FAM163A: variants seen among roughly 807,000 people sequenced by gnomAD.
FAM163A encodes family with sequence similarity 163 member A.
Under a neutral mutation model 12.0 loss-of-function variants are expected in FAM163A, and 7 were observed. The ratio of observed to expected loss-of-function variants is 0.58; its 90% CI spans 0.33 to 1.10. The LOEUF is 1.10. FAM163A is among the 50% of genes least tolerant of loss of function. The probability of loss-of-function intolerance (pLI) is 0.03; values close to 1 mark genes in which losing one functional copy is unlikely to be tolerated. For synonymous variants in FAM163A, 101 were observed against 91.0 expected (o/e 1.11, Z -0.62); for missense variants, 202 against 218.6 (o/e 0.92, Z 0.48).
chr1:179,757,657 CA>C (rs1686216258), intron 1 of FAM163A, among the ~76,000 whole-genome samples: 1 of 151,974 alleles, frequency 6.6e-6, no homozygotes, highest in African/African-American at 2.4e-5. Context: ...ATTAAAAATA[CA>C]AAAATTAGCC....
At chr1:179,778,454 C>T (rs1689279347) in intron 1 of FAM163A, among the ~76,000 whole-genome samples, 1 of 152,098 alleles carries the variant, frequency 6.6e-6, no homozygotes. Flanking sequence ...CTAGGAATTC[C>T]AGAGGGTGAG....
chr1:179,813,549 C>G (rs10158987), intron 4 of FAM163A, among the ~76,000 whole-genome samples: 4,414 of 152,238 alleles, frequency 0.029, 222 homozygotes, highest in African/African-American at 0.1. Context: ...GTCCCTGCCC[C>G]GCTCAACTAC....
At chr1:179,797,578 T>G (rs1030976342) in intron 1 of FAM163A, among the ~76,000 whole-genome samples, 4 of 152,144 alleles carry the variant, frequency 2.6e-5, no homozygotes, top group Admixed American at 6.6e-5. Flanking sequence ...GAGTACATTT[T>G]AAGTGTTCTT....
At chr1:179,813,401 G>A (rs913110875) in intron 4 of FAM163A, among the ~76,000 whole-genome samples, 18 of 152,194 alleles carry the variant, frequency 1.2e-4, no homozygotes, top group African/African-American at 4.1e-4. Context: ...CACAGAAAGT[G>A]TGCTGGAAAG....
chr1:179,796,231 G>A (rs901477770), intron 1 of FAM163A, among the ~76,000 whole-genome samples: 11 of 151,692 alleles, frequency 7.3e-5, no homozygotes, highest in Non-Finnish European at 1.5e-4. Context: ...CTAAATTGGC[G>A]TATTTCTATC....
chr1:179,774,306 C>T (rs928340288), intron 1 of FAM163A, among the ~76,000 whole-genome samples: 1 of 152,238 alleles, frequency 6.6e-6, no homozygotes, highest in Non-Finnish European at 1.5e-5. Flanking sequence ...CTGCAGGCAG[C>T]CAGGCCTGAT....
intron 1 of FAM163A, among the ~76,000 whole-genome samples, chr1:179,773,883 C>T (rs1054169654): frequency 6.6e-5 from 10 of 152,310 alleles, no homozygotes; most frequent in Non-Finnish European, 1.5e-4. Flanking sequence ...CACCGGTATT[C>T]GCAGGCATGT....
At chr1:179,807,439 G>C (rs954226945) in intron 1 of FAM163A, among the ~76,000 whole-genome samples, 1 of 152,194 alleles carries the variant, frequency 6.6e-6, no homozygotes, top group Non-Finnish European at 1.5e-5. Flanking sequence ...CATCCACTGA[G>C]CACAGATCCA....
At chr1:179,777,492 G>T (rs1210959062) in intron 1 of FAM163A, among the ~76,000 whole-genome samples, 1 of 152,122 alleles carries the variant, frequency 6.6e-6, no homozygotes, top group Non-Finnish European at 1.5e-5. Flanking sequence ...CAGACCCGAA[G>T]AGCCTCTCAG....
the FAM163A span, among the ~76,000 whole-genome samples, chr1:179,737,082 C>T: frequency 9.2e-5 from 14 of 152,240 alleles, no homozygotes; most frequent in African/African-American, 3.4e-4. Flanking sequence ...AGCATTATCA[C>T]AATAGCCAAG....
intron 1 of FAM163A, among the ~76,000 whole-genome samples, chr1:179,775,833 A>G (rs1382458605): frequency 1.3e-5 from 2 of 152,226 alleles, no homozygotes; most frequent in Admixed American, 1.3e-4. Context: ...TCTAGCAGTG[A>G]AGAACAGGAC....
intron 1 of FAM163A, among the ~76,000 whole-genome samples, chr1:179,804,554 T>C (rs1347056109): frequency 6.6e-6 from 1 of 152,224 alleles, no homozygotes; most frequent in Non-Finnish European, 1.5e-5. Context: ...GGAATCAACC[T>C]AAATGCTCAT....
At chr1:179,752,891 T>A (rs974920294) in intron 1 of FAM163A, among the ~76,000 whole-genome samples, 1 of 152,130 alleles carries the variant, frequency 6.6e-6, no homozygotes, top group Admixed American at 6.5e-5. Context: ...ATATGGAGGT[T>A]TCTCAAAAAA....
chr1:179,814,298 G>A lies in FAM163A; in HGVS notation c.*109G>A. The A allele has an allele frequency of 7.1e-7, 1 of 1,403,384 alleles. No homozygotes were observed. Among genetic ancestry groups the A allele is most frequent in the Non-Finnish European group, 9.5e-7 (1 of 1,047,392 alleles). The allele number at this position is 1,403,384 out of a possible 1,614,324, so 86.9% of individuals were successfully genotyped here. On this transcript the variant is annotated 3_prime_UTR_variant, in exon 5 of 5. Transcript: ENST00000341785. ...CCACATGGGTTGTTTCTGTTTCTTT[G>A]GCTTTTCTCGCTCCGCAGTGGAGGG...
Position 179,813,977 on chromosome 1 carries a change from T to G in FAM163A, c.292T>G (p.Cys98Gly). The change falls in exon 5 of 5, where the codon TGC (cysteine) becomes GGC (glycine). Residue 98 changes from cysteine to glycine, a missense_variant. Coordinates refer to ENST00000341785, the MANE Select transcript of FAM163A (RefSeq NM_173509.3). ...CGVAASHCTT[C>G]SPYSSPFYIR... ...GGTGGCCGCGAGCCACTGCACTACC[T>G]GCTCCCCATACAGCTCCCCCTTTTA... is the stretch of plus-strand genomic sequence containing the variant. 6.2e-7 allele frequency: 1 copy of G among 1,613,840 alleles called. No individual in the cohort carries two copies. Among genetic ancestry groups the G allele is most frequent in the African/African-American group, 1.3e-5 (1 of 75,060 alleles).
In FAM163A at chr1:179,814,229, C is replaced by T. The variant is rs748370215; in HGVS notation, c.*40C>T. The T allele has an allele frequency of 5.8e-6, 9 of 1,553,948 alleles. No homozygotes were observed. Among genetic ancestry groups the T allele is most frequent in the Admixed American group, 1.9e-5 (1 of 52,822 alleles). On this transcript the variant is annotated 3_prime_UTR_variant, in exon 5 of 5. Transcript: ENST00000341785. ...ACCCGCACACACACCCACACTGCTG[C>T]CCTGGCGGGGGCCATGGGGGTGATG...
At chr1:179,769,010 T>C (rs1687899815) in intron 1 of FAM163A, among the ~76,000 whole-genome samples, 1 of 152,244 alleles carries the variant, frequency 6.6e-6, no homozygotes, top group African/African-American at 2.4e-5. Flanking sequence ...AGATGCATAC[T>C]GAAGTGATTA....
In FAM163A at chr1:179,807,796, A is replaced by G. The variant is rs1694164649; in HGVS notation, c.-135-2A>G. 2 of 152,326 alleles carry G rather than the reference A, an allele frequency of 1.3e-5. No homozygotes were observed. Among genetic ancestry groups the G allele is most frequent in the Admixed American group, 6.5e-5 (1 of 15,278 alleles). 9.4% of individuals were successfully genotyped at this position (152,326 alleles called of 1,614,324 possible). ...TGAGCCTTTCCTTCTCTTCTCTGGCAGGGACTGATGCCCTTGGCCAGACGC... is the reference window on the plus strand; with the variant it reads ...TGAGCCTTTCCTTCTCTTCTCTGGCGGGGACTGATGCCCTTGGCCAGACGC... On this transcript the variant is annotated splice_acceptor_variant, in intron 1 of 4. Coordinates refer to ENST00000341785, the MANE Select transcript of FAM163A (RefSeq NM_173509.3). LOFTEE classifies it low-confidence loss of function (5UTR_SPLICE).
intron 1 of FAM163A, among the ~76,000 whole-genome samples, chr1:179,784,124 GGAA>G: frequency 6.6e-6 from 1 of 152,098 alleles, no homozygotes; most frequent in Non-Finnish European, 1.5e-5. Context: ...GAGGCTTCCT[GGAA>G]GGCTAGGGTG....
Sources: gnomAD v4.1 joint callset for allele counts (sites outside exome capture counted in the v4.1 genomes callset) on GRCh38, gnomAD v4.1.1 for gene constraint, MANE v1.5 for transcripts, NCBI Gene and HGNC (gene_info 2026-07-23, HGNC 2026-07-21) for gene names.